The following LIN28B variants were observed in gnomAD, a reference collection of about 807,000 sequenced individuals.
LIN28B encodes the protein protein lin-28 homolog B.
In LIN28B, 5 loss-of-function variants were observed where a neutral mutation model predicts 21.9. That is an observed-to-expected ratio of 0.23 (90% confidence interval 0.12 to 0.48). LIN28B has a LOEUF of 0.48. LIN28B is among the 20% of genes least tolerant of loss of function. LIN28B has a pLI of 0.98. For missense variants in LIN28B, 245 were observed against 310.5 expected, an observed-to-expected ratio of 0.79 and a Z score of 1.58; for synonymous variants, 109 against 111.3, an observed-to-expected ratio of 0.98 and a Z score of 0.13.
intron 2 of LIN28B, among the ~76,000 whole-genome samples, chr6:105,006,080 C>G (rs1413950615): frequency 6.6e-6 from 1 of 152,108 alleles, no homozygotes. Flanking sequence ...GAGCTCCTTT[C>G]TCTCATGTTG....
At position 105,013,739 on chromosome 6, in the gene LIN28B, A is replaced by T. The variant is rs953856897; in HGVS notation, c.199-12559A>T. On this transcript the variant is annotated intron_variant, in intron 2 of 3. Coordinates refer to ENST00000345080, the MANE Select transcript of LIN28B (RefSeq NM_001004317.4). Reference sequence around the variant, plus strand: ...ACCCTGTCTCAAAAAAAAAAAAAAAATTTACATTTTGTTAGCCTTAATAAA... The same window carrying T: ...ACCCTGTCTCAAAAAAAAAAAAAAATTTTACATTTTGTTAGCCTTAATAAA... Among the ~76,000 whole-genome samples, 101 of 140,652 alleles carry T rather than the reference A, an allele frequency of 7.2e-4. 1 individual carries two copies. Among genetic ancestry groups the T allele is most frequent in the Admixed American group, 2.2e-3 (30 of 13,902 alleles). The allele number at this position is 140,652 out of a possible 152,430, so 92.3% of individuals were successfully genotyped here.
chr6:105,026,806 C>G (rs1771295731), intron 3 of LIN28B, among the ~76,000 whole-genome samples: 1 of 152,032 alleles, frequency 6.6e-6, no homozygotes, highest in South Asian at 2.1e-4. Context: ...CACCTCACCT[C>G]TTTTTTCAAA....
intron 2 of LIN28B, among the ~76,000 whole-genome samples, chr6:104,949,995 C>G (rs1268149803): frequency 6.6e-6 from 1 of 152,088 alleles, no homozygotes. Context: ...GCCCCAATAT[C>G]TATTTTATAG....
At chr6:105,075,594 G>A (rs1414548373) in intron 3 of LIN28B, among the ~76,000 whole-genome samples, 2 of 152,194 alleles carry the variant, frequency 1.3e-5, no homozygotes, top group East Asian at 3.8e-4. Context: ...GGAAAGCCAA[G>A]GGGGTGAATT....
chr6:104,966,458 T>C (rs1243013563), intron 2 of LIN28B, among the ~76,000 whole-genome samples: 1 of 152,162 alleles, frequency 6.6e-6, no homozygotes, highest in East Asian at 1.9e-4. Flanking sequence ...ATAAGAGTTT[T>C]TCTGGTTTTT....
At chr6:104,985,413 C>T (rs1190278634) in intron 2 of LIN28B, among the ~76,000 whole-genome samples, 5 of 152,096 alleles carry the variant, frequency 3.3e-5, no homozygotes, top group South Asian at 4.2e-4. Context: ...TGTGTTTGTT[C>T]GAATTCCTGT....
intron 3 of LIN28B, among the ~76,000 whole-genome samples, chr6:105,062,754 A>G (rs1772147472): frequency 6.6e-6 from 1 of 151,970 alleles, no homozygotes; most frequent in African/African-American, 2.4e-5. Context: ...CATCCTCAAA[A>G]TGAAATACTT....
chr6:104,969,475 A>G (rs1769930154), intron 2 of LIN28B, among the ~76,000 whole-genome samples: 1 of 152,146 alleles, frequency 6.6e-6, no homozygotes, highest in Admixed American at 6.5e-5. Flanking sequence ...AGCCCCACAA[A>G]CAACTCTTTA....
chr6:104,996,820 T>TA lies in LIN28B; in HGVS notation c.199-29473dup, dbSNP rs200278980. Among the ~76,000 whole-genome samples the TA allele has an allele frequency of 8.5e-3, 1,292 of 152,262 alleles. 18 individuals carry two copies. The highest frequency in any genetic ancestry group is 0.03 in the African/African-American group (1,233 of 41,552). ...CTATTTCAAATAACTTTATTTTTCT[T>TA]AAAAATGTTTGTCCAAGCCAGGTAA... On this transcript the variant is annotated intron_variant, in intron 2 of 3. Transcript: ENST00000345080.
At chr6:105,007,236 CAAAAT>C (rs1770835872) in intron 2 of LIN28B, among the ~76,000 whole-genome samples, 1 of 152,062 alleles carries the variant, frequency 6.6e-6, no homozygotes, top group Non-Finnish European at 1.5e-5. Flanking sequence ...AATTTAGAGT[CAAAAT>C]AATTTATTGA....
intron 2 of LIN28B, among the ~76,000 whole-genome samples, chr6:104,946,509 A>G (rs1441371395): frequency 6.6e-6 from 1 of 152,182 alleles, no homozygotes; most frequent in East Asian, 1.9e-4. Flanking sequence ...ACACTTTCAT[A>G]AAGCACCTGC....
intron 3 of LIN28B, among the ~76,000 whole-genome samples, chr6:105,051,031 C>G (rs961109460): frequency 2.7e-5 from 4 of 150,408 alleles, no homozygotes; most frequent in Non-Finnish European, 5.9e-5. Flanking sequence ...CCTAGACAAC[C>G]AAGCAAGACC....
intron 3 of LIN28B, among the ~76,000 whole-genome samples, chr6:105,052,865 T>A (rs572697626): frequency 3.3e-5 from 5 of 152,214 alleles, no homozygotes; most frequent in African/African-American, 1.2e-4. Context: ...TTTTTTATAT[T>A]GTTTTCTATT....
chr6:105,039,488 G>A (rs1370857618), intron 3 of LIN28B, among the ~76,000 whole-genome samples: 2 of 152,110 alleles, frequency 1.3e-5, no homozygotes, highest in African/African-American at 4.8e-5. Context: ...GTTGCACAGA[G>A]TGTATGAAAT....
At chr6:105,076,699 C>A (rs902209695) in intron 3 of LIN28B, among the ~76,000 whole-genome samples, 1 of 151,878 alleles carries the variant, frequency 6.6e-6, no homozygotes. Context: ...CCTCCGCCTC[C>A]CAGGTTCAAG....
rs116809813 is a variant in LIN28B, at chr6:105,041,926, C to T, written c.383+15444C>T. ...ATGTGGGAAGAAATCTGTTGAATCACGTAGTTTATAATTCCAGGAATTAAA... is the reference window on the plus strand; with the variant it reads ...ATGTGGGAAGAAATCTGTTGAATCATGTAGTTTATAATTCCAGGAATTAAA... On this transcript the variant is annotated intron_variant, in intron 3 of 3. Coordinates refer to ENST00000345080, the MANE Select transcript of LIN28B (RefSeq NM_001004317.4). Among the ~76,000 whole-genome samples the T allele has an allele frequency of 9.1e-3, 1,382 of 152,120 alleles. 20 individuals carry two copies. Among genetic ancestry groups the T allele is most frequent in the African/African-American group, 0.032 (1,314 of 41,510 alleles).
At chr6:105,072,443 GT>G (rs1772349808) in intron 3 of LIN28B, among the ~76,000 whole-genome samples, 1 of 152,016 alleles carries the variant, frequency 6.6e-6, no homozygotes. Context: ...GTAAAAGTAT[GT>G]TTAGTCCTTC....
At chr6:104,991,484 C>T (rs546930294) in intron 2 of LIN28B, among the ~76,000 whole-genome samples, 4 of 151,902 alleles carry the variant, frequency 2.6e-5, no homozygotes, top group South Asian at 4.2e-4. Context: ...TCCTCACTTC[C>T]TAGACGGGAT....
chr6:104,960,714 G>A (rs760295176), intron 2 of LIN28B, among the ~76,000 whole-genome samples: 1 of 151,904 alleles, frequency 6.6e-6, no homozygotes. Flanking sequence ...TTTATGCTGA[G>A]GAACCTAGGA....
Sources: gnomAD v4.1 joint callset for allele counts (sites outside exome capture counted in the v4.1 genomes callset) on GRCh38, gnomAD v4.1.1 for gene constraint, MANE v1.5 for transcripts, NCBI Gene and HGNC (gene_info 2026-07-23, HGNC 2026-07-21) for gene names.